The following HTT variants were observed in gnomAD, a reference collection of about 807,000 sequenced individuals.
The protein encoded by HTT is huntington disease protein.
A neutral mutation model predicts 362.3 loss-of-function variants in HTT; 104 were observed. The ratio of observed to expected loss-of-function variants is 0.29; its 90% CI spans 0.24 to 0.34. The LOEUF (loss-of-function observed/expected upper bound fraction) is 0.34, where lower values mean the gene tolerates loss of function less well. Among genes scored for constraint, HTT ranks in the 10% least tolerant of loss-of-function variants. The pLI is 1.00. For missense variants in HTT, 3,301 were observed against 3,928.6 expected (o/e 0.84, Z 4.27); for synonymous variants, 1,577 against 1,548.7 (o/e 1.02, Z -0.43).
At chr4:3,177,692 ATCT>A (rs369549559) in intron 34 of HTT, among the ~76,000 whole-genome samples, 31 of 152,338 alleles carry the variant, frequency 2.0e-4, no homozygotes, top group South Asian at 6.2e-4. Context: ...TAGTTTTTAA[ATCT>A]TCTTAGAGAA....
At chr4:3,136,351 T>G (rs772177144) in intron 21 of HTT, 25 bp downstream of exon 21, 1 of 1,357,204 alleles carries the variant, frequency 7.4e-7, no homozygotes, top group Admixed American at 1.8e-5. Flanking sequence ...TTTATCTCTT[T>G]TCCTTTTTTG....
intron 64 of HTT, 99 bp from the exon 65 acceptor site, chr4:3,238,348 A>T (rs955864973): frequency 1.6e-5 from 14 of 848,992 alleles, no homozygotes; most frequent in Admixed American, 6.4e-5. Flanking sequence ...CTGATTTCAC[A>T]TCGGCATTTT....
intron 33 of HTT, among the ~76,000 whole-genome samples, chr4:3,176,739 C>G (rs545064495): frequency 1.3e-5 from 2 of 152,180 alleles, no homozygotes; most frequent in Non-Finnish European, 2.9e-5. Context: ...AACACTAGAA[C>G]AGACAAACCA....
rs1190012644 is a variant in HTT at position 3,214,149 on chromosome 4, C to T, written c.6952+14C>T. 6.8e-7 allele frequency: 1 copy of T among 1,470,844 alleles called. No homozygotes were observed. 91.1% of individuals were successfully genotyped at this position (1,470,844 alleles called of 1,614,324 possible). A position where few individuals can be genotyped will look rare whatever the true frequency, so the allele number is the denominator to read the frequency against. ...TCCTGGAGGCCGGTGAGTCCCCGTC[C>T]ATGAACGGTGGGTTCCTATCATAGT... is the stretch of plus-strand genomic sequence containing the variant. On this transcript the variant is annotated intron_variant, in intron 50 of 66. Transcript: ENST00000355072.
intron 3 of HTT, among the ~76,000 whole-genome samples, chr4:3,103,005 C>T (rs1322096703): frequency 6.6e-6 from 1 of 151,972 alleles, no homozygotes; most frequent in Admixed American, 6.6e-5. Context: ...GGGGCCACAC[C>T]TGCAGAAAAG....
intron 40 of HTT, among the ~76,000 whole-genome samples, chr4:3,193,960 T>C (rs1254210707): frequency 1.3e-5 from 2 of 152,192 alleles, no homozygotes; most frequent in Admixed American, 6.5e-5. Context: ...AAATGTGTGT[T>C]TCTGTCTTCT....
intron 2 of HTT, among the ~76,000 whole-genome samples, chr4:3,089,615 G>C (rs1713397279): frequency 6.6e-6 from 1 of 152,160 alleles, no homozygotes; most frequent in Non-Finnish European, 1.5e-5. Flanking sequence ...TTGTTCATCT[G>C]ATCTCCACCA....
Position 3,208,862 on chromosome 4 carries a change from C to G in HTT, c.6242C>G (p.Pro2081Arg), listed in dbSNP as rs201104173. The G allele has an allele frequency of 1.2e-6, 2 of 1,614,098 alleles. No homozygotes were observed. The highest frequency in any genetic ancestry group is 2.2e-5 in the South Asian group (2 of 91,068). The change falls in exon 46 of 67, where the codon CCG becomes CGG. Residue 2081 changes from proline to arginine, a missense_variant. Coordinates refer to ENST00000355072, the MANE Select transcript of HTT (RefSeq NM_001388492.1). ...CCCTCTCCTCCAGTCTCTTCCCACC[C>G]GCTGGACGGGGATGGGCACGTGTCA... ...LSPSPPVSSHPLDGDGHVSLE... is the reference protein window; with the variant it reads ...LSPSPPVSSHRLDGDGHVSLE...
At chr4:3,094,522 GGGGCGGCGGCT>G (rs886894078) in intron 2 of HTT, among the ~76,000 whole-genome samples, 1 of 149,562 alleles carries the variant, frequency 6.7e-6, no homozygotes, top group Non-Finnish European at 1.5e-5. Flanking sequence ...CCTCCCAGAC[GGGGCGGCGGCT>G]GGGCGGGGGC....
intron 29 of HTT, among the ~76,000 whole-genome samples, chr4:3,160,772 A>G (rs1329682642): frequency 6.6e-6 from 1 of 152,072 alleles, no homozygotes; most frequent in Non-Finnish European, 1.5e-5. Context: ...GTGCCTGAGG[A>G]AGTAACAGAG....
chr4:3,115,736 T>C (rs923574969), intron 7 of HTT, among the ~76,000 whole-genome samples: 1 of 152,224 alleles, frequency 6.6e-6, no homozygotes, highest in Admixed American at 6.5e-5. Context: ...TCTTGTAGGC[T>C]TGAGACTGTG....
chr4:3,086,869 A>G, intron 1 of HTT, 70 bp from the exon 2 acceptor site: 1 of 779,884 alleles, frequency 1.3e-6, no homozygotes, highest in Non-Finnish European at 2.2e-6. Context: ...TGAATGAATG[A>G]ATGAGGTGTA....
In HTT at chr4:3,160,580, T is replaced by G. The variant is rs543697811; in HGVS notation, c.3864+188T>G. Among the ~76,000 whole-genome samples the G allele has an allele frequency of 2.0e-5, 3 of 152,166 alleles. No individual in the cohort carries two copies. In the South Asian group the frequency reaches 6.2e-4, roughly 32 times the overall value. Reference sequence around the variant, plus strand: ...TAGCCATGAAGTTTAGGGGGAAGTTTCTATTTGTATTCTATTTTTGTCTGT... The same window carrying G: ...TAGCCATGAAGTTTAGGGGGAAGTTGCTATTTGTATTCTATTTTTGTCTGT... On this transcript the variant is annotated intron_variant, in intron 29 of 66. Transcript: ENST00000355072.
chr4:3,163,660 G>C (rs1385393655), intron 29 of HTT, among the ~76,000 whole-genome samples: 1 of 152,170 alleles, frequency 6.6e-6, no homozygotes, highest in Admixed American at 6.5e-5. Context: ...GAGGGTGTAT[G>C]TGTCCAGGAA....
rs1337474072 is a variant in HTT at position 3,227,220 on chromosome 4, G to A, written c.7849-1395G>A. ...GGGGCTGAAGTACGGTCCCACCCCT[G>A]CCCTGTCTGGGGCTGAAGTACAGTG... On this transcript the variant is annotated intron_variant, in intron 57 of 66. Transcript: ENST00000355072. Among the ~76,000 whole-genome samples, 5 of 146,804 alleles carry A rather than the reference G, an allele frequency of 3.4e-5. No homozygotes were observed. In the East Asian group the frequency reaches 9.7e-4, roughly 28 times the overall value.
At position 3,204,012 on chromosome 4, in the gene HTT, A is replaced by G. The variant is rs1201691803; in HGVS notation, c.5582A>G (p.His1861Arg). 1.2e-6 allele frequency: 2 copies of G among 1,614,160 alleles called. No individual in the cohort carries two copies. The highest frequency in any genetic ancestry group is 1.7e-6 in the Non-Finnish European group (2 of 1,179,972). ...GCATCTGTTGCTCCTTCTAGAAGAC[A>G]CAGTCTGTCCAGCACAAAGTTACTT... ...WAEVQQTPKRHSLSSTKLLSP... is the reference protein window; with the variant it reads ...WAEVQQTPKRRSLSSTKLLSP... The change falls in exon 42 of 67, where the codon CAC becomes CGC. Residue 1861 changes from histidine (H) to arginine (R), a missense_variant. By Grantham distance (29) the His-to-Arg change is conservative (BLOSUM62 0). This residue lies in a region of HTT where 2,316 missense variants were observed against 2,658.5 expected (regional missense o/e 0.87). Transcript: ENST00000355072.
intron 30 of HTT, 120 bp from the exon 31 acceptor site, chr4:3,172,788 C>A: frequency 1.3e-6 from 1 of 741,710 alleles, no homozygotes; most frequent in Non-Finnish European, 2.4e-6. Context: ...GGAAGAATTT[C>A]ACGCTGTGAG....
At chr4:3,222,336 T>A (rs1356610472) in intron 53 of HTT, 51 bp from the exon 54 acceptor site, 3 of 1,520,018 alleles carry the variant, frequency 2.0e-6, no homozygotes, top group Non-Finnish European at 2.7e-6. Flanking sequence ...AGCTCTCCGT[T>A]ACAGGCTTGA....
At chr4:3,219,668 G>A (rs1238838995) in intron 52 of HTT, among the ~76,000 whole-genome samples, 1 of 152,202 alleles carries the variant, frequency 6.6e-6, no homozygotes, top group East Asian at 1.9e-4. Flanking sequence ...ACCGTGAGCT[G>A]ATCCTGCCAC....
Sources: gnomAD v4.1 joint callset for allele counts (sites outside exome capture counted in the v4.1 genomes callset) on GRCh38, gnomAD v4.1.1 for gene constraint, gnomAD v4.1.1 regional missense constraint, MANE v1.5 for transcripts, NCBI Gene and HGNC (gene_info 2026-07-23, HGNC 2026-07-21) for gene names.